The following LARS2 variants were observed in gnomAD, a reference collection of about 807,000 sequenced individuals.
The protein encoded by LARS2 is leucyl-tRNA synthetase 2, mitochondrial, also known as leucine--tRNA ligase, mitochondrial.
In LARS2, 81 loss-of-function variants were observed where a neutral mutation model predicts 116.6. That is an observed-to-expected ratio of 0.69 (90% CI 0.58 to 0.84). The LOEUF is 0.84. Among genes scored for constraint, LARS2 ranks in the 40% least tolerant of loss-of-function variants. LARS2 has a pLI of 0.00. For missense variants in LARS2, 968 were observed against 1,114.5 expected (o/e 0.87, Z 1.87); for synonymous variants, 396 against 407.2 (o/e 0.97, Z 0.33).
intron 20 of LARS2, among the ~76,000 whole-genome samples, chr3:45,536,449 C>A (rs956236491): frequency 4.6e-5 from 7 of 152,200 alleles, no homozygotes; most frequent in African/African-American, 1.7e-4. Context: ...ACACACCTAA[C>A]CAGATCCAAC....
chr3:45,463,251 C>T (rs993125408), intron 8 of LARS2, among the ~76,000 whole-genome samples: 1 of 152,248 alleles, frequency 6.6e-6, no homozygotes, highest in Non-Finnish European at 1.5e-5. Context: ...TTTGATTTCT[C>T]CTGCTGACTC....
rs371290550 is a variant in LARS2 at position 45,516,257 on chromosome 3, T to C, written c.2025T>C (p.Asp675=). The change falls in exon 17 of 22, where the codon GAT becomes GAC. Residue 675 remains aspartate (D), a synonymous_variant. Transcript: ENST00000645846. ...TTTTTGCTGCCCCTCCTGAGAAGGA[T>C]ATCTTGTGGGATGTGAAAAGTAAGT... The part of the protein sequence containing the change: ...YILFAAPPEK[D]ILWDVKTDAL... 3.7e-6 allele frequency: 6 copies of C among 1,613,908 alleles called. No homozygotes were observed. The highest frequency in any genetic ancestry group is 4.2e-6 in the Non-Finnish European group (5 of 1,179,946).
intron 20 of LARS2, among the ~76,000 whole-genome samples, chr3:45,536,253 C>T (rs1236656363): frequency 6.6e-6 from 1 of 152,184 alleles, no homozygotes; most frequent in Admixed American, 6.5e-5. Context: ...TCCTGAGGAG[C>T]TGGGACGTAG....
chr3:45,416,872 A>G (rs968392223), intron 4 of LARS2, among the ~76,000 whole-genome samples: 1 of 152,122 alleles, frequency 6.6e-6, no homozygotes, highest in African/African-American at 2.4e-5. Flanking sequence ...CAGGAGATCG[A>G]GACCATCCTG....
At chr3:45,427,257 T>C (rs1698610041) in intron 6 of LARS2, among the ~76,000 whole-genome samples, 1 of 152,200 alleles carries the variant, frequency 6.6e-6, no homozygotes, top group African/African-American at 2.4e-5. Context: ...GAGATTGTTA[T>C]TCCATGAAAA....
chr3:45,460,812 A>T (rs1699309872), intron 8 of LARS2, among the ~76,000 whole-genome samples: 1 of 152,214 alleles, frequency 6.6e-6, no homozygotes. Flanking sequence ...AAGGCCATGT[A>T]TTAGAGTAGG....
rs535874058 is a variant in LARS2 at position 45,541,522 on chromosome 3, C to A, written c.2405-307C>A. On this transcript the variant is annotated intron_variant, in intron 20 of 21. Transcript: ENST00000645846. ...GGGTAGCACAAAGGCATTCCTTCAC[C>A]AGCAGAACTTCAGAGAGATGACCCA... is the stretch of plus-strand genomic sequence containing the variant. 1.5e-5 allele frequency: 5 copies of A among 334,530 alleles called. No homozygotes were observed. In the East Asian group the frequency reaches 2.3e-4, roughly 16 times the overall value. 20.7% of individuals were successfully genotyped at this position (334,530 alleles called of 1,614,324 possible). A position where few individuals can be genotyped will look rare whatever the true frequency, so the allele number is the denominator to read the frequency against.
At chr3:45,542,146 TCAC>T (rs915685426) in intron 21 of LARS2, among the ~76,000 whole-genome samples, 190 bp downstream of exon 21, 10 of 152,300 alleles carry the variant, frequency 6.6e-5, no homozygotes, top group African/African-American at 2.4e-4. Flanking sequence ...GTTTTGTAGG[TCAC>T]CACACACCAG....
intron 8 of LARS2, among the ~76,000 whole-genome samples, chr3:45,470,218 G>A (rs1699498201): frequency 6.6e-6 from 1 of 152,112 alleles, no homozygotes; most frequent in African/African-American, 2.4e-5. Context: ...TCAACTTTCT[G>A]TCTTAGGAAG....
chr3:45,430,778 G>A (rs923434408), intron 6 of LARS2, among the ~76,000 whole-genome samples: 5 of 149,472 alleles, frequency 3.3e-5, no homozygotes, highest in African/African-American at 1.2e-4. Flanking sequence ...GTAGAGACGG[G>A]GTTTCACCGT....
At chr3:45,483,411 G>A (rs1409718883) in intron 10 of LARS2, among the ~76,000 whole-genome samples, 3 of 152,202 alleles carry the variant, frequency 2.0e-5, no homozygotes, top group Non-Finnish European at 2.9e-5. Context: ...CACTTTGGGA[G>A]GCTGAGACAG....
Position 45,394,689 on chromosome 3 carries a change from T to G in LARS2, c.234+2T>G. The stretch of plus-strand genomic sequence containing the variant: ...GCCTCCAAAATTTCAGAAGCTGATG[T>G]GAGTATTCTGAGAGATTCTAAGAGG... On this transcript the variant is annotated splice_donor_variant, in intron 3 of 21. Coordinates refer to ENST00000645846, the MANE Select transcript of LARS2 (RefSeq NM_015340.4). LOFTEE classifies it high-confidence loss of function. 6.3e-7 allele frequency: 1 copy of G among 1,593,684 alleles called. No homozygotes were observed. The highest frequency in any genetic ancestry group is 8.6e-7 in the Non-Finnish European group (1 of 1,161,444).
intron 3 of LARS2, among the ~76,000 whole-genome samples, chr3:45,395,327 T>A (rs1698026885): frequency 6.6e-6 from 1 of 152,224 alleles, no homozygotes. Context: ...ACCCTTGGCT[T>A]CTGCACCAGG....
intron 10 of LARS2, among the ~76,000 whole-genome samples, chr3:45,482,771 A>G (rs932942895): frequency 6.6e-6 from 1 of 152,218 alleles, no homozygotes; most frequent in Non-Finnish European, 1.5e-5. Context: ...AGGCTTAAAC[A>G]GGAGTTTATT....
At chr3:45,511,353 A>G (rs566473422) in intron 15 of LARS2, among the ~76,000 whole-genome samples, 3 of 152,230 alleles carry the variant, frequency 2.0e-5, no homozygotes, top group Non-Finnish European at 2.9e-5. Context: ...AATGGCTACA[A>G]GCGGGTTAGA....
intron 21 of LARS2, among the ~76,000 whole-genome samples, 191 bp from the exon 22 acceptor site, chr3:45,547,160 A>G (rs1250070123): frequency 1.3e-5 from 2 of 152,160 alleles, no homozygotes; most frequent in Non-Finnish European, 2.9e-5. Context: ...AGGTCTAGGC[A>G]TTAATCCTAT....
chr3:45,419,470 C>T (rs1698481700), intron 5 of LARS2, among the ~76,000 whole-genome samples, 199 bp from the exon 6 acceptor site: 1 of 152,214 alleles, frequency 6.6e-6, no homozygotes, highest in African/African-American at 2.4e-5. Context: ...TGTATATGTC[C>T]AAATAATGGG....
intron 19 of LARS2, among the ~76,000 whole-genome samples, chr3:45,520,993 G>A (rs1375142813): frequency 6.6e-6 from 1 of 152,142 alleles, no homozygotes; most frequent in African/African-American, 2.4e-5. Flanking sequence ...TTCAAGACCT[G>A]CCTGGGCCGC....
rs375970417 is a variant in LARS2 at position 45,530,655 on chromosome 3, A to G, written c.2404+6547A>G. Among the ~76,000 whole-genome samples the G allele has an allele frequency of 7.2e-5, 11 of 152,226 alleles. No homozygotes were observed. In the East Asian group the frequency reaches 9.6e-4, roughly 13 times the overall value. ...TTCATATTATTTCCTTGAAGTGGAA[A>G]AGATATGAATCTATTTAAGACTCTT... On this transcript the variant is annotated intron_variant, in intron 20 of 21. Coordinates refer to ENST00000645846, the MANE Select transcript of LARS2 (RefSeq NM_015340.4).
Sources: gnomAD v4.1 joint callset for allele counts (sites outside exome capture counted in the v4.1 genomes callset) on GRCh38, gnomAD v4.1.1 for gene constraint, MANE v1.5 for transcripts, NCBI Gene and HGNC (gene_info 2026-07-23, HGNC 2026-07-21) for gene names.